The following PLEKHM3 variants were observed in gnomAD, a reference collection of about 807,000 sequenced individuals.
PLEKHM3 encodes the protein pleckstrin homology domain containing M3.
PLEKHM3 carries 45 observed loss-of-function variants against 81.8 expected under a neutral mutation model. The ratio of observed to expected loss-of-function variants is 0.55; its 90% CI spans 0.43 to 0.71. PLEKHM3 has a LOEUF of 0.71. PLEKHM3 is among the 30% of genes least tolerant of loss of function. PLEKHM3 has a pLI of 0.00. For missense variants in PLEKHM3, 788 were observed against 924.3 expected (o/e 0.85, Z 1.91); for synonymous variants, 352 against 356.4 (o/e 0.99, Z 0.14).
chr2:207,919,775 C>T (rs541439475), intron 5 of PLEKHM3, among the ~76,000 whole-genome samples: 2 of 152,288 alleles, frequency 1.3e-5, no homozygotes, highest in Admixed American at 1.3e-4. Flanking sequence ...AACCTTTGGA[C>T]TCAGCCTCAG....
At position 207,827,802 on chromosome 2, in the gene PLEKHM3, G is replaced by T. The variant is rs1194955567; in HGVS notation, c.*517C>A. On this transcript the variant is annotated 3_prime_UTR_variant, in exon 8 of 8. Coordinates refer to ENST00000427836, the MANE Select transcript of PLEKHM3 (RefSeq NM_001080475.3). ...GGAGCGCCACGGACACCAGGTCCTG[G>T]AAGGACCCAGCAGTCTCTTGTGTTT... The T allele has an allele frequency of 6.6e-6, 1 of 152,226 alleles. No homozygotes were observed. Among genetic ancestry groups the T allele is most frequent in the Non-Finnish European group, 1.5e-5 (1 of 68,060 alleles). The allele number at this position is 152,226 out of a possible 1,614,324, so 9.4% of individuals were successfully genotyped here.
At position 207,832,754 on chromosome 2, in the gene PLEKHM3, C is replaced by T. The variant is rs143372622; in HGVS notation, c.2109-4258G>A. 2.0e-5 allele frequency among the ~76,000 whole-genome samples: 3 copies of T among 151,366 alleles called. No individual in the cohort carries two copies. The East Asian group carries it at 5.9e-4, about 30-fold the overall frequency. ...TGCAGAGAGCCGAGAAATTGCACCA[C>T]TGCACTCCAGCCTGGCAACAGAGCG... On this transcript the variant is annotated intron_variant, in intron 7 of 7. Coordinates refer to ENST00000427836, the MANE Select transcript of PLEKHM3 (RefSeq NM_001080475.3).
At position 207,930,879 on chromosome 2, in the gene PLEKHM3, C is replaced by T. The variant is rs761785016; in HGVS notation, c.1886+47G>A. On this transcript the variant is annotated intron_variant, in intron 5 of 7. Transcript: ENST00000427836. ...AGATAATCTCACCACCCTCCGTGGG[C>T]GGGAAAGAAAAACAAACGGGAGCCG... 5 of 1,591,512 alleles carry T rather than the reference C, an allele frequency of 3.1e-6. No homozygotes were observed. The South Asian group carries it at 3.3e-5, about 11-fold the overall frequency.
At chr2:207,884,067 G>A (rs1278635700) in intron 6 of PLEKHM3, among the ~76,000 whole-genome samples, 1 of 152,152 alleles carries the variant, frequency 6.6e-6, no homozygotes, top group Non-Finnish European at 1.5e-5. Context: ...GGGAGGCCGA[G>A]GTGGGAGGAC....
Position 207,976,349 on chromosome 2 carries a change from C to A in PLEKHM3, c.1546+302G>T, listed in dbSNP as rs1251216650. Among the ~76,000 whole-genome samples, 2 of 152,154 alleles carry A rather than the reference C, an allele frequency of 1.3e-5. No homozygotes were observed. Among genetic ancestry groups the A allele is most frequent in the Non-Finnish European group, 2.9e-5 (2 of 68,026 alleles). The stretch of plus-strand genomic sequence containing the variant: ...AAAGCAGAGGGAATGGAATCACAGC[C>A]GACTCAGGAAACCTAAATTCTAGTC... On this transcript the variant is annotated intron_variant, in intron 3 of 7. Coordinates refer to ENST00000427836, the MANE Select transcript of PLEKHM3 (RefSeq NM_001080475.3). The surrounding 1 kb of genome is among the most constrained non-coding windows in gnomAD (Gnocchi z 4.1).
rs149287419 is a variant in PLEKHM3, at chr2:207,924,025, C to A, written c.1886+6901G>T. On this transcript the variant is annotated intron_variant, in intron 5 of 7. Coordinates refer to ENST00000427836, the MANE Select transcript of PLEKHM3 (RefSeq NM_001080475.3). The stretch of plus-strand genomic sequence containing the variant: ...CCAGGTTCGAGCGATTCTGCCTCAG[C>A]CTTCCGAGTAGCTAGGACTACAGGT... Among the ~76,000 whole-genome samples, 201 of 148,824 alleles carry A rather than the reference C, an allele frequency of 1.4e-3. 1 individual carries two copies. The East Asian group carries it at 0.033, about 24-fold the overall frequency.
chr2:208,023,247 A>G (rs1270837323), intron 1 of PLEKHM3, among the ~76,000 whole-genome samples: 1 of 150,814 alleles, frequency 6.6e-6, no homozygotes, highest in African/African-American at 2.5e-5. Context: ...GGTTCAAGCA[A>G]TGCCCCCGCC....
rs149017929 is a variant in PLEKHM3 at position 208,016,915 on chromosome 2, T to C, written c.-319+8474A>G. On this transcript the variant is annotated intron_variant, in intron 1 of 7. Transcript: ENST00000427836. ...GGACTGGTTCCAGGATCCCCTCAGA[T>C]ACTAAAATCCACAGATGCTCAAGTC... 3.5e-4 allele frequency among the ~76,000 whole-genome samples: 53 copies of C among 152,300 alleles called. 2 individuals carry two copies. In the East Asian group the frequency reaches 0.01, roughly 29 times the overall value.
At chr2:207,834,829 G>T (rs1157610933) in intron 7 of PLEKHM3, among the ~76,000 whole-genome samples, 1 of 152,090 alleles carries the variant, frequency 6.6e-6, no homozygotes, top group African/African-American at 2.4e-5. Flanking sequence ...GGTATTTTCT[G>T]CTTCTTTATG....
chr2:207,838,814 A>G (rs555390243), intron 7 of PLEKHM3, among the ~76,000 whole-genome samples: 65 of 152,168 alleles, frequency 4.3e-4, no homozygotes, highest in Non-Finnish European at 7.8e-4. Flanking sequence ...AAACATTTCT[A>G]CCATTTCTGG....
At chr2:207,967,137 C>A (rs1032754041) in intron 3 of PLEKHM3, among the ~76,000 whole-genome samples, 19 of 152,264 alleles carry the variant, frequency 1.2e-4, no homozygotes, top group African/African-American at 4.3e-4. Flanking sequence ...CAGGCATCAG[C>A]CACCAGGCTG....
chr2:207,905,959 C>A (rs1688589403), intron 6 of PLEKHM3, among the ~76,000 whole-genome samples: 1 of 152,090 alleles, frequency 6.6e-6, no homozygotes, highest in African/African-American at 2.4e-5. Flanking sequence ...GAGAGAAAGA[C>A]AGCAGGGTAT....
At chr2:207,913,722 G>A (rs1343909614) in intron 5 of PLEKHM3, among the ~76,000 whole-genome samples, 2 of 137,278 alleles carry the variant, frequency 1.5e-5, no homozygotes, top group Non-Finnish European at 3.4e-5. Context: ...ACTAAGAAAG[G>A]ATTTTTTTTT....
At chr2:207,846,897 A>G (rs933602715) in intron 7 of PLEKHM3, among the ~76,000 whole-genome samples, 2 of 152,226 alleles carry the variant, frequency 1.3e-5, no homozygotes, top group African/African-American at 4.8e-5. Flanking sequence ...AAATGGAGAA[A>G]TAATGGAGAA....
At position 207,977,134 on chromosome 2, in the gene PLEKHM3, T is replaced by C; in HGVS notation, c.1063A>G (p.Ser355Gly). 1 of 1,614,228 alleles carries C rather than the reference T, an allele frequency of 6.2e-7. No homozygotes were observed. Among genetic ancestry groups the C allele is most frequent in the Non-Finnish European group, 8.5e-7 (1 of 1,180,036 alleles). The change falls in exon 3 of 8, where the codon AGC becomes GGC. Residue 355 changes from serine (S) to glycine (G), a missense_variant. Coordinates refer to ENST00000427836, the MANE Select transcript of PLEKHM3 (RefSeq NM_001080475.3). The stretch of plus-strand genomic sequence containing the variant: ...AGGATGTTTTGGTACTGTTTGGAGC[T>C]GTCCAGGACAGGGGACGGTGGCAGC... ...GLLPPSPVLD[S>G]SKQYQNILKS...
At position 208,001,610 on chromosome 2, in the gene PLEKHM3, G is replaced by A. The variant is rs1355744698; in HGVS notation, c.30C>T (p.Ser10=). 2.5e-6 allele frequency: 4 copies of A among 1,613,918 alleles called. No individual in the cohort carries two copies. The highest frequency in any genetic ancestry group is 1.1e-5 in the South Asian group (1 of 91,084). MEALEVDDI[S]PALEVTEEFF... ...ATTCCTCCGTAACTTCTAAGGCTGG[G>A]CTGATATCATCCACTTCCAAAGCTT... Residue 10 remains serine (S), a synonymous_variant, in exon 2 of 8, where the codon AGC becomes AGT. Transcript: ENST00000427836.
At chr2:207,984,504 C>A (rs2106051878) in intron 2 of PLEKHM3, among the ~76,000 whole-genome samples, 1 of 152,210 alleles carries the variant, frequency 6.6e-6, no homozygotes, top group Admixed American at 6.5e-5. Context: ...TCTCAGCCTC[C>A]CGAGTAGCTG....
At chr2:207,982,185 T>A (rs911005895) in intron 2 of PLEKHM3, among the ~76,000 whole-genome samples, 20 of 152,104 alleles carry the variant, frequency 1.3e-4, no homozygotes, top group African/African-American at 3.6e-4. Context: ...TTGTGATTTA[T>A]TTATTTCCTT....
At chr2:207,993,809 C>T (rs1691981107) in intron 2 of PLEKHM3, among the ~76,000 whole-genome samples, 1 of 152,098 alleles carries the variant, frequency 6.6e-6, no homozygotes, top group African/African-American at 2.4e-5. Context: ...AGTTTCAGAG[C>T]TCTGTAGCTA....
Sources: gnomAD v4.1 joint callset for allele counts (sites outside exome capture counted in the v4.1 genomes callset) on GRCh38, gnomAD v4.1.1 for gene constraint, Gnocchi (gnomAD v3.1) non-coding constraint, MANE v1.5 for transcripts, NCBI Gene and HGNC (gene_info 2026-07-23, HGNC 2026-07-21) for gene names.